The following KLHL25 variants were observed in gnomAD, a reference collection of about 807,000 sequenced individuals.
KLHL25 encodes the protein kelch-like protein 25.
KLHL25 carries 41 observed loss-of-function variants against 30.0 expected under a neutral mutation model. The observed-to-expected ratio is 1.37, with a 90% CI of 1.07 to 1.78. The LOEUF is 1.78. Among genes scored for constraint, KLHL25 ranks in the 40% most tolerant of loss-of-function variants. KLHL25 has a pLI of 0.00. For missense variants in KLHL25, 971 were observed against 824.5 expected, an observed-to-expected ratio of 1.18 and a Z score of -2.18; for synonymous variants, 399 against 355.3, an observed-to-expected ratio of 1.12 and a Z score of -1.38.
chr15:85,784,303 C>T (rs144165647), intron 1 of KLHL25, among the ~76,000 whole-genome samples: 1,553 of 152,162 alleles, frequency 0.01, 10 homozygotes, highest in Non-Finnish European at 0.016. Context: ...CCAAGGCAGG[C>T]GGATCACCGG....
intron 1 of KLHL25, among the ~76,000 whole-genome samples, chr15:85,773,845 C>T (rs771231997): frequency 3.9e-5 from 6 of 151,988 alleles, no homozygotes; most frequent in Non-Finnish European, 7.4e-5. Context: ...TCCTCTGGTC[C>T]GCCCCCTTTT....
At chr15:85,788,543 T>C (rs560523259) in intron 1 of KLHL25, among the ~76,000 whole-genome samples, 11 of 152,182 alleles carry the variant, frequency 7.2e-5, no homozygotes, top group African/African-American at 2.4e-4. Flanking sequence ...CTGGACACAT[T>C]TGAAATGAGG....
intron 1 of KLHL25, among the ~76,000 whole-genome samples, chr15:85,785,884 C>G (rs1452722035): frequency 6.6e-6 from 1 of 152,138 alleles, no homozygotes; most frequent in Non-Finnish European, 1.5e-5. Context: ...GTGATTCGAC[C>G]TCACTCCAAC....
intron 1 of KLHL25, among the ~76,000 whole-genome samples, chr15:85,780,358 G>A (rs35703419): frequency 0.021 from 3,182 of 152,326 alleles, 85 homozygotes; most frequent in African/African-American, 0.064. Context: ...GAGGGGCAGC[G>A]AGATTGGCTC....
chr15:85,770,940 T>G (rs1274895327), intron 1 of KLHL25: 1 of 238,180 alleles, frequency 4.2e-6, no homozygotes, highest in African/African-American at 2.3e-5. Context: ...GTTCAGTACT[T>G]TGAACTCAAG....
chr15:85,789,212 A>T lies in KLHL25; in HGVS notation c.-11+5554T>A, dbSNP rs868328722. ...CTGATGGTGGAAGGCTCCTCCTGGC[A>T]GAGATGGGTGGGGAGTGACACCTAA... is the stretch of plus-strand genomic sequence containing the variant. On this transcript the variant is annotated intron_variant, in intron 1 of 2. Coordinates refer to ENST00000337975, the MANE Select transcript of KLHL25 (RefSeq NM_022480.4). The surrounding 1 kb of genome is among the most constrained non-coding windows in gnomAD (Gnocchi z 4.1). Among the ~76,000 whole-genome samples, 26 of 152,298 alleles carry T rather than the reference A, an allele frequency of 1.7e-4. No individual in the cohort carries two copies. Among genetic ancestry groups the T allele is most frequent in the Admixed American group, 1.3e-4 (2 of 15,300 alleles).
At chr15:85,777,545 T>C (rs2089717565) in intron 1 of KLHL25, among the ~76,000 whole-genome samples, 1 of 152,350 alleles carries the variant, frequency 6.6e-6, no homozygotes, top group Non-Finnish European at 1.5e-5. Flanking sequence ...CAGTGCCTTC[T>C]CCACATGCTC....
intron 1 of KLHL25, among the ~76,000 whole-genome samples, chr15:85,790,381 C>A (rs1471859207): frequency 6.6e-6 from 1 of 152,166 alleles, no homozygotes; most frequent in Non-Finnish European, 1.5e-5. Context: ...AGCCACCTCG[C>A]CCGGTCCATT....
At chr15:85,770,220 C>G (rs1376645327) in intron 1 of KLHL25, among the ~76,000 whole-genome samples, 1 of 152,202 alleles carries the variant, frequency 6.6e-6, no homozygotes, top group Non-Finnish European at 1.5e-5. Flanking sequence ...TCATGACAGT[C>G]CTCTACAGAA....
Position 85,767,237 on chromosome 15 carries a change from C to G in KLHL25, c.*24+780G>C, listed in dbSNP as rs368214325. Among the ~76,000 whole-genome samples, 18 of 152,246 alleles carry G rather than the reference C, an allele frequency of 1.2e-4. No homozygotes were observed. In the South Asian group the frequency reaches 3.7e-3, roughly 32 times the overall value. ...ATCTCCTGACCTCATGATCTGCCCA[C>G]CTCGGCCTCTCAAAGTGCTGGGGTT... On this transcript the variant is annotated intron_variant, in intron 2 of 2. Coordinates refer to ENST00000337975, the MANE Select transcript of KLHL25 (RefSeq NM_022480.4).
chr15:85,776,046 G>A (rs775462341), intron 1 of KLHL25, among the ~76,000 whole-genome samples: 1 of 151,352 alleles, frequency 6.6e-6, no homozygotes, highest in Admixed American at 6.6e-5. Context: ...GTTGGCGTGT[G>A]CCTGTAGTCC....
At position 85,759,615 on chromosome 15, in the gene KLHL25, G is replaced by C. The variant is rs1409033414; in HGVS notation, c.*1421C>G. On this transcript the variant is annotated 3_prime_UTR_variant, in exon 3 of 3. Coordinates refer to ENST00000337975, the MANE Select transcript of KLHL25 (RefSeq NM_022480.4). ...AGCCCCATGCAGCCAGTGCCCCATGGCGGGCGTGTCAGTGGGCAAACCCTG... is the reference window on the plus strand; with the variant it reads ...AGCCCCATGCAGCCAGTGCCCCATGCCGGGCGTGTCAGTGGGCAAACCCTG... 6.6e-6 allele frequency: 1 copy of C among 152,294 alleles called. No individual in the cohort carries two copies. The highest frequency in any genetic ancestry group is 6.5e-5 in the Admixed American group (1 of 15,288). 9.4% of individuals were successfully genotyped at this position (152,294 alleles called of 1,614,324 possible). A position where few individuals can be genotyped will look rare whatever the true frequency, so the allele number is the denominator to read the frequency against.
At chr15:85,770,630 G>A (rs1376484316) in intron 1 of KLHL25, 19 of 506,070 alleles carry the variant, frequency 3.8e-5, no homozygotes, top group South Asian at 2.4e-4. Flanking sequence ...CGAGACCAAC[G>A]CAGAGGCCCA....
At chr15:85,780,247 C>T (rs1334647260) in intron 1 of KLHL25, among the ~76,000 whole-genome samples, 5 of 152,248 alleles carry the variant, frequency 3.3e-5, no homozygotes, top group African/African-American at 9.6e-5. Flanking sequence ...CCACTGCTGT[C>T]ACCACAGAGG....
chr15:85,766,998 T>TG (rs2089629692), intron 2 of KLHL25, among the ~76,000 whole-genome samples: 2 of 151,490 alleles, frequency 1.3e-5, no homozygotes. Flanking sequence ...GCGATCATTT[T>TG]TTTTTTTTTT....
In KLHL25 at chr15:85,768,826, G is replaced by T; in HGVS notation, c.985C>A (p.Pro329Thr). The change falls in exon 2 of 3, where the codon CCC (proline) becomes ACC (threonine). Residue 329 changes from proline (P) to threonine (T), a missense_variant. By Grantham distance (38) the Pro-to-Thr change is conservative (BLOSUM62 -1). Transcript: ENST00000337975. ...GCTGAGGCGCTGAACTCCTTCCGGGGGCTGGGCAGGTCGGCCTTGGGGATG... is the reference window on the plus strand; with the variant it reads ...GCTGAGGCGCTGAACTCCTTCCGGGTGCTGGGCAGGTCGGCCTTGGGGATG... ...EIIPKADLPS[P>T]RKEFSASAIG... 1 of 1,613,360 alleles carries T rather than the reference G, an allele frequency of 6.2e-7. No individual in the cohort carries two copies. Among genetic ancestry groups the T allele is most frequent in the South Asian group, 1.1e-5 (1 of 91,084 alleles).
chr15:85,788,779 C>T (rs1166884920), intron 1 of KLHL25, among the ~76,000 whole-genome samples: 1 of 152,206 alleles, frequency 6.6e-6, no homozygotes, highest in East Asian at 1.9e-4. Flanking sequence ...ATGAACAAAG[C>T]TGGGTACCTT....
chr15:85,781,383 G>T (rs1236728444), intron 1 of KLHL25, among the ~76,000 whole-genome samples: 1 of 152,228 alleles, frequency 6.6e-6, no homozygotes, highest in Non-Finnish European at 1.5e-5. Flanking sequence ...TAATGTTTTA[G>T]TATTACCACA....
chr15:85,783,117 T>G (rs2455561), intron 1 of KLHL25, among the ~76,000 whole-genome samples: 73,274 of 152,028 alleles, frequency 0.48, 18,148 homozygotes, highest in East Asian at 0.72. Context: ...TTATTTATTT[T>G]GAGACATAGT....
Sources: gnomAD v4.1 joint callset for allele counts (sites outside exome capture counted in the v4.1 genomes callset) on GRCh38, gnomAD v4.1.1 for gene constraint, Gnocchi (gnomAD v3.1) non-coding constraint, MANE v1.5 for transcripts, NCBI Gene and HGNC (gene_info 2026-07-23, HGNC 2026-07-21) for gene names.